DPP10: variants seen among roughly 807,000 people sequenced by gnomAD.
The protein encoded by DPP10 is dipeptidyl peptidase like 10.
DPP10 carries 33 observed loss-of-function variants against 120.9 expected under a neutral mutation model. The ratio of observed to expected loss-of-function variants is 0.27; its 90% CI spans 0.21 to 0.37. The LOEUF (loss-of-function observed/expected upper bound fraction) is 0.37. Among genes scored for constraint, DPP10 ranks in the 10% least tolerant of loss-of-function variants. The pLI, the probability that DPP10 is intolerant of heterozygous loss-of-function variation, is 1.00. For synonymous variants in DPP10, 337 were observed against 326.1 expected, an observed-to-expected ratio of 1.03 and a Z score of -0.36; for missense variants, 816 against 942.8, an observed-to-expected ratio of 0.87 and a Z score of 1.76.
intron 1 of DPP10, among the ~76,000 whole-genome samples, chr2:115,187,106 G>A (rs527942625): frequency 8.3e-5 from 11 of 132,038 alleles, no homozygotes; most frequent in African/African-American, 2.5e-4. Context: ...GCGCAATCTC[G>A]GCTCACTGCA....
chr2:115,310,676 A>T (rs1446649700), intron 2 of DPP10, among the ~76,000 whole-genome samples: 1 of 152,212 alleles, frequency 6.6e-6, no homozygotes, highest in Non-Finnish European at 1.5e-5. Flanking sequence ...GTACAATGTC[A>T]TTGAGCAATG....
In DPP10 at chr2:114,918,939, A is replaced by C. The variant is rs140548713; in HGVS notation, c.61-390300A>C. Among the ~76,000 whole-genome samples the C allele has an allele frequency of 2.8e-4, 43 of 151,992 alleles. 2 individuals carry two copies. The highest frequency in any genetic ancestry group is 9.9e-4 in the African/African-American group (41 of 41,446). Reference sequence around the variant, plus strand: ...AGCAAACGTGCACACGTACCCCCGAACCTAAAAAAAAGAAAGAGTTGGAAG... The same window carrying C: ...AGCAAACGTGCACACGTACCCCCGACCCTAAAAAAAAGAAAGAGTTGGAAG... On this transcript the variant is annotated intron_variant, in intron 1 of 25. Transcript: ENST00000410059.
At chr2:115,550,042 A>C (rs1320038722) in intron 5 of DPP10, among the ~76,000 whole-genome samples, 2 of 152,122 alleles carry the variant, frequency 1.3e-5, no homozygotes, top group African/African-American at 4.8e-5. Flanking sequence ...AGGTAGAATT[A>C]ATTCCACTCA....
intron 5 of DPP10, among the ~76,000 whole-genome samples, chr2:115,528,291 T>A (rs2078253852): frequency 6.6e-6 from 1 of 151,766 alleles, no homozygotes; most frequent in Non-Finnish European, 1.5e-5. Context: ...CACACCAACA[T>A]GGCACATATA....
chr2:115,754,577 G>A (rs1679164780), intron 11 of DPP10, among the ~76,000 whole-genome samples: 2 of 152,098 alleles, frequency 1.3e-5, no homozygotes, highest in African/African-American at 2.4e-5. Context: ...AAGGTATCAA[G>A]TTCATCTGTC....
At chr2:115,366,037 A>G (rs1335296588) in intron 3 of DPP10, among the ~76,000 whole-genome samples, 1 of 152,060 alleles carries the variant, frequency 6.6e-6, no homozygotes, top group Non-Finnish European at 1.5e-5. Context: ...ATGCAATTTT[A>G]AAGAAAAAGG....
chr2:114,732,757 T>C lies in DPP10; in HGVS notation c.60+289919T>C, dbSNP rs986634793. Among the ~76,000 whole-genome samples, 5 of 152,348 alleles carry C rather than the reference T, an allele frequency of 3.3e-5. No homozygotes were observed. The East Asian group carries it at 5.8e-4, about 18-fold the overall frequency. ...AATATAGATGGCTAATAATGGCCGA[T>C]AGTATACTCTTACTATATGCCAAGC... On this transcript the variant is annotated intron_variant, in intron 1 of 25. Transcript: ENST00000410059.
chr2:114,702,804 A>T (rs1197822412), intron 1 of DPP10, among the ~76,000 whole-genome samples: 1 of 152,124 alleles, frequency 6.6e-6, no homozygotes, highest in Non-Finnish European at 1.5e-5. Context: ...TCTGAAATGG[A>T]TGCTAACCTC....
At chr2:114,576,357 G>A (rs1437100495) in intron 1 of DPP10, among the ~76,000 whole-genome samples, 1 of 152,206 alleles carries the variant, frequency 6.6e-6, no homozygotes, top group African/African-American at 2.4e-5. Flanking sequence ...CTTGAAGAGG[G>A]AAGAGGAGGG....
chr2:114,870,840 G>A lies in DPP10; in HGVS notation c.60+428002G>A, dbSNP rs564688213. On this transcript the variant is annotated intron_variant, in intron 1 of 25. Coordinates refer to ENST00000410059, the MANE Select transcript of DPP10 (RefSeq NM_020868.6). ...TTCCTCTTAACAGAGAACGTCCATC[G>A]GGATCTTTTCATGAACAGATAGCTT... Among the ~76,000 whole-genome samples the A allele has an allele frequency of 1.1e-4, 15 of 135,476 alleles. 2 individuals carry two copies. In the South Asian group the frequency reaches 2.8e-3, roughly 26 times the overall value. The allele number at this position is 135,476 out of a possible 152,430, so 88.9% of individuals were successfully genotyped here.
At chr2:115,562,044 C>A (rs1287008890) in intron 5 of DPP10, among the ~76,000 whole-genome samples, 1 of 152,150 alleles carries the variant, frequency 6.6e-6, no homozygotes, top group South Asian at 2.1e-4. Flanking sequence ...TGTTTTATTC[C>A]ATTTCCCACA....
chr2:114,820,890 T>G (rs1022498508), intron 1 of DPP10, among the ~76,000 whole-genome samples: 4 of 152,190 alleles, frequency 2.6e-5, no homozygotes, highest in Admixed American at 6.5e-5. Flanking sequence ...CATTTCAAAA[T>G]GATATGTCTC....
At chr2:115,126,091 A>G (rs2050070547) in intron 1 of DPP10, among the ~76,000 whole-genome samples, 1 of 152,154 alleles carries the variant, frequency 6.6e-6, no homozygotes, top group Admixed American at 6.5e-5. Context: ...TACTGACAAA[A>G]ATTATATAGT....
At chr2:115,594,175 G>A (rs1375154) in intron 5 of DPP10, among the ~76,000 whole-genome samples, 150,474 of 152,274 alleles carry the variant, frequency 0.99, 74,376 homozygotes, top group East Asian at 1. Context: ...ATATCTAAAG[G>A]TATGCCCTTC....
intron 5 of DPP10, among the ~76,000 whole-genome samples, chr2:115,578,313 C>T (rs1202657735): frequency 1.3e-5 from 2 of 152,082 alleles, no homozygotes; most frequent in Admixed American, 6.6e-5. Context: ...AAAATAGTAA[C>T]TTTCTGTAGT....
At position 115,588,638 on chromosome 2, in the gene DPP10, C is replaced by A. The variant is rs76875590; in HGVS notation, c.441+62666C>A. The stretch of plus-strand genomic sequence containing the variant: ...ACAAAGGGTGTTTTTAAATGTCAGT[C>A]CCACATCAAAAGATGCAAAGGCAAA... On this transcript the variant is annotated intron_variant, in intron 5 of 25. Transcript: ENST00000410059. 5.7e-3 allele frequency among the ~76,000 whole-genome samples: 866 copies of A among 152,274 alleles called. 11 individuals carry two copies. Among genetic ancestry groups the A allele is most frequent in the African/African-American group, 0.02 (824 of 41,550 alleles).
intron 1 of DPP10, among the ~76,000 whole-genome samples, chr2:114,533,550 C>G (rs1051536780): frequency 6.6e-5 from 10 of 151,826 alleles, no homozygotes; most frequent in African/African-American, 2.4e-4. Context: ...ATAGGTGCAG[C>G]AAACCACTAT....
chr2:115,393,819 A>T (rs1225860894), intron 3 of DPP10, among the ~76,000 whole-genome samples: 1 of 152,240 alleles, frequency 6.6e-6, no homozygotes. Context: ...TATACCAAGC[A>T]TGAATTGGAG....
At chr2:115,573,947 G>T (rs1348598529) in intron 5 of DPP10, among the ~76,000 whole-genome samples, 2 of 151,954 alleles carry the variant, frequency 1.3e-5, no homozygotes, top group African/African-American at 4.8e-5. Flanking sequence ...ACTTGAGCTG[G>T]CCTGGTTCTC....
Sources: allele counts gnomAD v4.1 joint callset (sites outside exome capture counted in the v4.1 genomes callset), GRCh38; gene constraint gnomAD v4.1.1; transcripts MANE v1.5; gene names NCBI Gene and HGNC (gene_info 2026-07-23, HGNC 2026-07-21).